The following SLCO1C1 variants were observed in gnomAD, a reference collection of about 807,000 sequenced individuals.
The protein encoded by SLCO1C1 is solute carrier organic anion transporter family member 1C1.
A neutral mutation model predicts 76.4 loss-of-function variants in SLCO1C1; 70 were observed. The observed-to-expected ratio is 0.92, with a 90% confidence interval of 0.76 to 1.12. The LOEUF (loss-of-function observed/expected upper bound fraction) is 1.12, where lower values mean the gene tolerates loss of function less well. SLCO1C1 is among the 50% of genes most tolerant of loss of function. SLCO1C1 has a pLI of 0.00. For missense variants in SLCO1C1, 912 were observed against 823.8 expected, an observed-to-expected ratio of 1.11 and a Z score of -1.31; for synonymous variants, 306 against 286.1, an observed-to-expected ratio of 1.07 and a Z score of -0.70.
intron 4 of SLCO1C1, among the ~76,000 whole-genome samples, chr12:20,710,693 A>G (rs921553934): frequency 4.6e-5 from 7 of 152,204 alleles, no homozygotes; most frequent in African/African-American, 1.7e-4. Context: ...TCTTATCAGG[A>G]TAAATGGTAC....
chr12:20,705,490 GTTTAA>G, intron 3 of SLCO1C1, among the ~76,000 whole-genome samples: 1 of 151,994 alleles, frequency 6.6e-6, no homozygotes. Flanking sequence ...GTACAGTTGT[GTTTAA>G]TTTTTCTATA....
At chr12:20,748,073 A>G (rs889819012) in intron 13 of SLCO1C1, among the ~76,000 whole-genome samples, 22 of 152,198 alleles carry the variant, frequency 1.4e-4, no homozygotes, top group African/African-American at 5.3e-4. Context: ...ATAACTTCTT[A>G]ATATTAGCAA....
At chr12:20,709,390 T>C (rs1946947047) in intron 4 of SLCO1C1, among the ~76,000 whole-genome samples, 2 of 152,144 alleles carry the variant, frequency 1.3e-5, no homozygotes, top group South Asian at 2.1e-4. Flanking sequence ...ATAATTATGA[T>C]GCTTGCAACA....
chr12:20,709,442 AT>A (rs1946950323), intron 4 of SLCO1C1, among the ~76,000 whole-genome samples: 2 of 152,108 alleles, frequency 1.3e-5, no homozygotes. Context: ...ATAATGAAAA[AT>A]TTTCAAAATA....
At chr12:20,711,357 A>G (rs780714888) in intron 4 of SLCO1C1, 29 bp from the exon 5 acceptor site, 10 of 1,606,532 alleles carry the variant, frequency 6.2e-6, no homozygotes, top group Middle Eastern at 1.7e-4. Context: ...TAATGAGTCT[A>G]TCATGAAGAA....
chr12:20,708,190 T>G (rs1432474670), intron 4 of SLCO1C1, among the ~76,000 whole-genome samples: 1 of 152,176 alleles, frequency 6.6e-6, no homozygotes, highest in Non-Finnish European at 1.5e-5. Context: ...GAAATATCCT[T>G]AATGTCCGAC....
chr12:20,701,568 A>T (rs950026974), intron 3 of SLCO1C1, 109 bp downstream of exon 3: 5 of 916,388 alleles, frequency 5.5e-6, no homozygotes, highest in African/African-American at 4.1e-5. Flanking sequence ...TCTATTCATA[A>T]AATCTTTTTT....
At chr12:20,733,610 A>G (rs1447105959) in intron 10 of SLCO1C1, among the ~76,000 whole-genome samples, 1 of 152,202 alleles carries the variant, frequency 6.6e-6, no homozygotes, top group Non-Finnish European at 1.5e-5. Flanking sequence ...TGAACATCTG[A>G]GGAACTGGAG....
intron 7 of SLCO1C1, among the ~76,000 whole-genome samples, chr12:20,717,671 T>C (rs1947443902): frequency 1.7e-5 from 2 of 115,986 alleles, no homozygotes; most frequent in African/African-American, 7.4e-5. Flanking sequence ...TTTTTTTTTT[T>C]TTTTTTTTTT....
At chr12:20,717,099 C>CT (rs3983551) in intron 6 of SLCO1C1, 33 bp from the exon 7 acceptor site, 60,000 of 1,174,416 alleles carry the variant, frequency 0.051, 91 homozygotes, top group East Asian at 0.086. Context: ...GAAATGACAG[C>CT]TTTTTTTTTT....
chr12:20,751,978 T>G (rs1949328403), intron 14 of SLCO1C1, among the ~76,000 whole-genome samples: 1 of 152,106 alleles, frequency 6.6e-6, no homozygotes, highest in Non-Finnish European at 1.5e-5. Context: ...AGGAGCACTA[T>G]TAAAATTATA....
At chr12:20,752,180 G>A (rs1006315449) in intron 14 of SLCO1C1, 126 bp from the exon 15 acceptor site, 11 of 596,774 alleles carry the variant, frequency 1.8e-5, no homozygotes, top group Admixed American at 1.0e-4. Context: ...TCATAAAACA[G>A]TCTTTTATAT....
chr12:20,715,413 A>C, intron 6 of SLCO1C1, 128 bp downstream of exon 6: 1 of 1,061,750 alleles, frequency 9.4e-7, no homozygotes. Flanking sequence ...TATTTAGCTC[A>C]CACATTTCTG....
At chr12:20,725,246 AAAATATGTATTTT>A (rs1056664502) in intron 9 of SLCO1C1, among the ~76,000 whole-genome samples, 2 of 140,032 alleles carry the variant, frequency 1.4e-5, no homozygotes, top group Non-Finnish European at 3.0e-5. Context: ...AATACAAATA[AAAATATGTATTTT>A]AATATGTATT....
At chr12:20,717,813 T>C (rs10841598) in intron 7 of SLCO1C1, among the ~76,000 whole-genome samples, 4,226 of 151,856 alleles carry the variant, frequency 0.028, 124 homozygotes, top group African/African-American at 0.074. Context: ...GATTTTTCCA[T>C]AGCTAATAAC....
chr12:20,725,965 G>T (rs1483641810), intron 9 of SLCO1C1, among the ~76,000 whole-genome samples: 1 of 152,028 alleles, frequency 6.6e-6, no homozygotes, highest in Non-Finnish European at 1.5e-5. Context: ...ATAAGTAATA[G>T]TATCTAACAA....
chr12:20,745,572 C>T (rs930786794), intron 13 of SLCO1C1, among the ~76,000 whole-genome samples: 19 of 151,978 alleles, frequency 1.3e-4, no homozygotes, highest in African/African-American at 4.6e-4. Context: ...TGCCTGTAAT[C>T]CCAGCACTTT....
At chr12:20,742,029 A>C (rs1948838336) in intron 12 of SLCO1C1, among the ~76,000 whole-genome samples, 1 of 152,220 alleles carries the variant, frequency 6.6e-6, no homozygotes, top group Admixed American at 6.5e-5. Context: ...ACAAACAGAA[A>C]ACAGAACTTA....
chr12:20,708,215 A>G (rs1303168023), intron 4 of SLCO1C1, among the ~76,000 whole-genome samples: 1 of 152,172 alleles, frequency 6.6e-6, no homozygotes, highest in Admixed American at 6.5e-5. Flanking sequence ...GCTATTAATC[A>G]TGGATAGCAA....
Sources: gnomAD v4.1 joint callset for allele counts (sites outside exome capture counted in the v4.1 genomes callset) on GRCh38, gnomAD v4.1.1 for gene constraint, MANE v1.5 for transcripts, NCBI Gene and HGNC (gene_info 2026-07-23, HGNC 2026-07-21) for gene names.